FABP12: variants seen among roughly 807,000 people sequenced by gnomAD.
The protein encoded by FABP12 is fatty acid-binding protein 12.
In FABP12, 19 loss-of-function variants were observed where a neutral mutation model predicts 13.7. The observed-to-expected ratio is 1.39, with a 90% confidence interval of 0.97 to 2.04. FABP12 has a LOEUF of 2.04. FABP12 is among the 30% of genes most tolerant of loss of function. The pLI is 0.00. For missense variants in FABP12, 182 were observed against 164.2 expected (o/e 1.11, Z -0.59); for synonymous variants, 61 against 57.0 (o/e 1.07, Z -0.32).
chr8:81,545,699 A>T (rs1324212116), intron 1 of FABP12, among the ~76,000 whole-genome samples: 2 of 152,184 alleles, frequency 1.3e-5, no homozygotes, highest in Non-Finnish European at 2.9e-5. Flanking sequence ...GTTGTTTCTA[A>T]TTACTTCGAA....
At chr8:81,548,783 G>A (rs780205313) in intron 1 of FABP12, among the ~76,000 whole-genome samples, 1 of 152,128 alleles carries the variant, frequency 6.6e-6, no homozygotes, top group Non-Finnish European at 1.5e-5. Context: ...AATGAGTATA[G>A]CATGTATGGT....
intron 2 of FABP12, among the ~76,000 whole-genome samples, chr8:81,530,418 A>G (rs1809037095): frequency 6.6e-6 from 1 of 152,190 alleles, no homozygotes; most frequent in Non-Finnish European, 1.5e-5. Flanking sequence ...GGTTATTACA[A>G]ATAATTATGC....
intron 3 of FABP12, 59 bp downstream of exon 3, chr8:81,529,379 G>T: frequency 6.5e-7 from 1 of 1,533,602 alleles, no homozygotes; most frequent in South Asian, 1.1e-5. Context: ...TACTTACCGA[G>T]GATGATATCT....
chr8:81,531,340 A>G (rs2129950671), exon 2 of FABP12: 1 of 1,543,556 alleles, frequency 6.5e-7, no homozygotes, highest in Non-Finnish European at 8.8e-7. Flanking sequence ...GTTGATCTCA[A>G]AGAACAGTAG....
intron 1 of FABP12, among the ~76,000 whole-genome samples, chr8:81,567,627 C>T (rs914539710): frequency 1.3e-5 from 2 of 152,284 alleles, no homozygotes; most frequent in South Asian, 2.1e-4. Flanking sequence ...AAACTAGACC[C>T]CTTTCTCTTG....
intron 1 of FABP12, among the ~76,000 whole-genome samples, chr8:81,579,920 T>C (rs1360478701): frequency 6.6e-6 from 1 of 152,204 alleles, no homozygotes; most frequent in Non-Finnish European, 1.5e-5. Context: ...TAACAGTGGG[T>C]TCTTATGAGC....
chr8:81,561,059 C>T (rs902204710), intron 1 of FABP12, among the ~76,000 whole-genome samples: 4 of 152,174 alleles, frequency 2.6e-5, no homozygotes, highest in Non-Finnish European at 4.4e-5. Flanking sequence ...AAGAACCTCT[C>T]GTTCTCTTTT....
At chr8:81,526,163 T>C (rs1808894199) in intron 4 of FABP12, 1 of 152,230 alleles carries the variant, frequency 6.6e-6, no homozygotes, top group Non-Finnish European at 1.5e-5. Flanking sequence ...AAAAAATCAC[T>C]GTATTAAGAA....
At chr8:81,584,720 C>T (rs1184489147) in intron 1 of FABP12, among the ~76,000 whole-genome samples, 4 of 152,146 alleles carry the variant, frequency 2.6e-5, no homozygotes, top group South Asian at 2.1e-4. Context: ...GAGGAACCTC[C>T]GTACTGTTCT....
intron 1 of FABP12, among the ~76,000 whole-genome samples, chr8:81,582,117 A>ATTTT (rs1563559505): frequency 1.5e-5 from 1 of 68,658 alleles, no homozygotes; most frequent in African/African-American, 5.3e-5. Flanking sequence ...GGCTAACTGG[A>ATTTT]ATTTTTTTTT....
Position 81,566,314 on chromosome 8 carries a change from C to T in FABP12, c.-185+23739G>A, listed in dbSNP as rs191075903. 1.6e-3 allele frequency among the ~76,000 whole-genome samples: 239 copies of T among 152,138 alleles called. 2 individuals are homozygous for T. Among genetic ancestry groups the T allele is most frequent in the African/African-American group, 5.6e-3 (231 of 41,530 alleles). Reference sequence around the variant, plus strand: ...AGAAGGGAATACTTTCAAACTCATTCTACAAAGCCAGTATTACCCCAATAC... The same window carrying T: ...AGAAGGGAATACTTTCAAACTCATTTTACAAAGCCAGTATTACCCCAATAC... On this transcript the variant is annotated intron_variant, in intron 1 of 5. Transcript: ENST00000692030.
At chr8:81,579,990 G>T (rs2130101647) in intron 1 of FABP12, among the ~76,000 whole-genome samples, 1 of 152,218 alleles carries the variant, frequency 6.6e-6, no homozygotes, top group Non-Finnish European at 1.5e-5. Flanking sequence ...TAAACATACT[G>T]GTTTAAAATT....
At chr8:81,585,267 G>A (rs970421827) in intron 1 of FABP12, among the ~76,000 whole-genome samples, 2 of 152,126 alleles carry the variant, frequency 1.3e-5, no homozygotes, top group African/African-American at 4.8e-5. Flanking sequence ...TGTGTATAGT[G>A]AGAGATAAGG....
At chr8:81,585,225 A>C (rs1810224230) in intron 1 of FABP12, among the ~76,000 whole-genome samples, 1 of 152,300 alleles carries the variant, frequency 6.6e-6, no homozygotes, top group South Asian at 2.1e-4. Flanking sequence ...TCTTAGACAC[A>C]AGTCTGTAAT....
intron 1 of FABP12, among the ~76,000 whole-genome samples, chr8:81,575,401 T>C (rs192483167): frequency 2.7e-4 from 41 of 152,302 alleles, no homozygotes; most frequent in Admixed American, 5.9e-4. Flanking sequence ...GAAAGTTCCA[T>C]GTGTTGTCAA....
chr8:81,551,369 C>G (rs1402124024), intron 1 of FABP12, among the ~76,000 whole-genome samples: 1 of 152,134 alleles, frequency 6.6e-6, no homozygotes, highest in African/African-American at 2.4e-5. Context: ...CTATTATTCT[C>G]AAAGTTTTGC....
At chr8:81,559,436 G>A (rs375561264) in intron 1 of FABP12, among the ~76,000 whole-genome samples, 2 of 152,202 alleles carry the variant, frequency 1.3e-5, no homozygotes, top group Admixed American at 6.5e-5. Context: ...TAGATCTTAC[G>A]TTCTTTTCAT....
chr8:81,543,716 T>C (rs1164344603), intron 1 of FABP12, among the ~76,000 whole-genome samples: 1 of 152,236 alleles, frequency 6.6e-6, no homozygotes, highest in Non-Finnish European at 1.5e-5. Flanking sequence ...TTGTTTTTCT[T>C]TCTATTTTTC....
chr8:81,535,490 T>A (rs1383393440), upstream of FABP12, among the ~76,000 whole-genome samples: 4 of 152,148 alleles, frequency 2.6e-5, no homozygotes, highest in Non-Finnish European at 5.9e-5. Context: ...CAATTACGCA[T>A]TCAAGGCCTA....
Sources: allele counts gnomAD v4.1 joint callset (sites outside exome capture counted in the v4.1 genomes callset), GRCh38; gene constraint gnomAD v4.1.1; transcripts MANE v1.5; gene names NCBI Gene and HGNC (gene_info 2026-07-23, HGNC 2026-07-21).